GK: variants seen among roughly 807,000 people sequenced by gnomAD.
The protein encoded by GK is ATP:glycerol 3-phosphotransferase.
A neutral mutation model predicts 56.4 loss-of-function variants in GK; 9 were observed. The ratio of observed to expected loss-of-function variants is 0.16; its 90% confidence interval spans 0.10 to 0.28. The LOEUF is 0.28. GK is among the 10% of genes least tolerant of loss of function. The pLI is 1.00. For synonymous variants in GK, 104 were observed against 144.1 expected (o/e 0.72, Z 1.99); for missense variants, 161 against 431.4 (o/e 0.37, Z 5.55).
At chrX:30,663,068 A>G (rs1034884076) in intron 1 of GK, among the ~76,000 whole-genome samples, 4 of 109,496 alleles carry the variant, frequency 3.7e-5, no homozygotes, top group African/African-American at 1.3e-4. Flanking sequence ...TTTTTAGTAG[A>G]GACGGGGTTT....
At chrX:30,700,480 C>T (rs1935593357) in intron 10 of GK, 31 bp downstream of exon 10, 2 of 1,067,165 alleles carry the variant, frequency 1.9e-6, no homozygotes, top group East Asian at 6.0e-5. Context: ...TCTCCCCATC[C>T]CCACCCTTCC....
rs1935256029 is a variant in GK, at chrX:30,696,699, A to G, written c.729+16A>G. 8.7e-7 allele frequency: 1 copy of G among 1,144,737 alleles called. No homozygotes were observed. Among genetic ancestry groups the G allele is most frequent in the Admixed American group, 2.2e-5 (1 of 45,492 alleles). 94.3% of individuals were successfully genotyped at this position (1,144,737 alleles called of 1,213,427 possible). On this transcript the variant is annotated intron_variant, in intron 8 of 20. Transcript: ENST00000427190. ...TGGCCTAATGGTAAAAAACAAACAA[A>G]CAAACAAAAAACACACCAAAAAACC...
chrX:30,679,122 T>C (rs1400880953), intron 4 of GK, among the ~76,000 whole-genome samples: 1 of 111,177 alleles, frequency 9.0e-6, no homozygotes, highest in Non-Finnish European at 1.9e-5. Context: ...CAATGTTAGC[T>C]AACTTCCTGA....
At chrX:30,672,430 C>A (rs1213338159) in intron 3 of GK, among the ~76,000 whole-genome samples, 2 of 111,420 alleles carry the variant, frequency 1.8e-5, no homozygotes, top group Non-Finnish European at 3.8e-5. Context: ...GAAGGCACCT[C>A]GTTCTCCAAA....
At chrX:30,665,735 T>G (rs1045142795) in intron 2 of GK, 151 bp downstream of exon 2, 2 of 447,505 alleles carry the variant, frequency 4.5e-6, no homozygotes, top group African/African-American at 4.9e-5. Flanking sequence ...ATGCAATAAC[T>G]TGGTATGTCT....
At chrX:30,692,343 T>G (rs1482141679) in intron 5 of GK, among the ~76,000 whole-genome samples, 1 of 111,802 alleles carries the variant, frequency 8.9e-6, no homozygotes, top group Admixed American at 9.5e-5. Flanking sequence ...TTTAGGCAAC[T>G]TTTACACTTT....
At chrX:30,703,988 C>T (rs962009307) in intron 11 of GK, among the ~76,000 whole-genome samples, 3 of 105,767 alleles carry the variant, frequency 2.8e-5, no homozygotes, top group African/African-American at 7.1e-5. Context: ...TTTAGAATTT[C>T]CCTAGATAGA....
At chrX:30,684,666 C>CAAAAAAAAA (rs60771873) in intron 4 of GK, among the ~76,000 whole-genome samples, 7 of 32,404 alleles carry the variant, frequency 2.2e-4, no homozygotes, top group Admixed American at 5.1e-4. Flanking sequence ...AACTCCATCT[C>CAAAAAAAAA]AAAAAAAAAA....
At position 30,695,390 on chromosome X, in the gene GK, G is replaced by A. The variant is rs1172607545; in HGVS notation, c.553-652G>A. Among the ~76,000 whole-genome samples, 8 of 112,359 alleles carry A rather than the reference G, an allele frequency of 7.1e-5. No homozygotes were observed. In the Admixed American group the frequency reaches 7.5e-4, roughly 11 times the overall value. On this transcript the variant is annotated intron_variant, in intron 6 of 20. Transcript: ENST00000427190. ...CAGAGTAAGGCAAGATGTGGAAACT[G>A]TGAGCTGCAGGAGACTCAAGGGAGC...
chrX:30,672,429 T>C (rs1933594041), intron 3 of GK, among the ~76,000 whole-genome samples: 1 of 111,392 alleles, frequency 9.0e-6, no homozygotes, highest in Non-Finnish European at 1.9e-5. Context: ...GGAAGGCACC[T>C]CGTTCTCCAA....
At chrX:30,662,553 G>T (rs868055852) in intron 1 of GK, among the ~76,000 whole-genome samples, 25 of 111,465 alleles carry the variant, frequency 2.2e-4, no homozygotes, top group African/African-American at 7.8e-4. Context: ...TAGCATAAGG[G>T]CCCTGACGTT....
At chrX:30,663,166 C>T (rs962319009) in intron 1 of GK, among the ~76,000 whole-genome samples, 7 of 110,810 alleles carry the variant, frequency 6.3e-5, no homozygotes, top group African/African-American at 3.3e-5. Context: ...TCAGCCACCG[C>T]GCCCGGCCAA....
intron 7 of GK, 49 bp from the exon 8 acceptor site, chrX:30,696,568 A>G: frequency 1.2e-6 from 1 of 855,657 alleles, no homozygotes; most frequent in Non-Finnish European, 1.7e-6. Flanking sequence ...AAATGTTTCT[A>G]GATGTCTATT....
At chrX:30,712,503 C>G (rs997251511) in intron 13 of GK, among the ~76,000 whole-genome samples, 5 of 108,966 alleles carry the variant, frequency 4.6e-5, no homozygotes, top group African/African-American at 1.7e-4. Flanking sequence ...ATTTTCATTT[C>G]TATAGTTTTT....
In GK at chrX:30,715,755, T is replaced by C. The variant is rs73208240; in HGVS notation, c.976-2783T>C. On this transcript the variant is annotated intron_variant, in intron 13 of 20. Coordinates refer to ENST00000427190, the MANE Select transcript of GK (RefSeq NM_001205019.2). ...AATTAGAGATGTCTCTCATTTTTAT[T>C]TCTTTAAAAGCTAAATCATACCATG... Among the ~76,000 whole-genome samples, 276 of 112,428 alleles carry C rather than the reference T, an allele frequency of 2.5e-3. 1 individual carries two copies. The highest frequency in any genetic ancestry group is 4.0e-3 in the Non-Finnish European group (212 of 53,193).
At chrX:30,670,867 C>T (rs1276904954) in intron 3 of GK, among the ~76,000 whole-genome samples, 2 of 109,208 alleles carry the variant, frequency 1.8e-5, no homozygotes, top group African/African-American at 6.7e-5. Context: ...CCTGTAATCC[C>T]AGCTACTTGG....
At chrX:30,725,033 A>G (rs965078661) in intron 19 of GK, among the ~76,000 whole-genome samples, 5 of 109,944 alleles carry the variant, frequency 4.5e-5, no homozygotes, top group African/African-American at 1.7e-4. Flanking sequence ...GGCGCCCACC[A>G]CCATGCCCAG....
chrX:30,688,520 A>G (rs1172815679), intron 4 of GK, among the ~76,000 whole-genome samples: 5 of 108,824 alleles, frequency 4.6e-5, no homozygotes, highest in African/African-American at 1.7e-4. Context: ...AAAAAAAAAA[A>G]AAGGGAGAGA....
chrX:30,684,225 C>T (rs1569153743), intron 4 of GK, among the ~76,000 whole-genome samples: 1 of 112,153 alleles, frequency 8.9e-6, no homozygotes, highest in African/African-American at 3.2e-5. Flanking sequence ...TCTGTCCAAA[C>T]TAGAATGGCC....
Sources: gnomAD v4.1 joint callset for allele counts (sites outside exome capture counted in the v4.1 genomes callset) on GRCh38, gnomAD v4.1.1 for gene constraint, MANE v1.5 for transcripts, NCBI Gene and HGNC (gene_info 2026-07-23, HGNC 2026-07-21) for gene names.